The following SNX13 variants were observed in gnomAD, a reference collection of about 807,000 sequenced individuals.
The protein encoded by SNX13 is sorting nexin-13.
In SNX13, 45 loss-of-function variants were observed where a neutral mutation model predicts 133.6. The ratio of observed to expected loss-of-function variants is 0.34; its 90% CI spans 0.27 to 0.43. The LOEUF (loss-of-function observed/expected upper bound fraction) is 0.43, where lower values mean the gene tolerates loss of function less well. Among genes scored for constraint, SNX13 ranks in the 20% least tolerant of loss-of-function variants. The pLI is 1.00. For missense variants in SNX13, 1,032 were observed against 1,145.1 expected, an observed-to-expected ratio of 0.90 and a Z score of 1.43; for synonymous variants, 414 against 373.9, an observed-to-expected ratio of 1.11 and a Z score of -1.24.
intron 1 of SNX13, among the ~76,000 whole-genome samples, chr7:17,910,328 A>T (rs1798827335): frequency 1.3e-5 from 2 of 152,222 alleles, no homozygotes. Context: ...ATAACAGATA[A>T]AACTGGTTGA....
At chr7:17,876,010 G>T (rs1794686273) in intron 5 of SNX13, among the ~76,000 whole-genome samples, 1 of 152,048 alleles carries the variant, frequency 6.6e-6, no homozygotes, top group South Asian at 2.1e-4. Context: ...ATTATTTTAT[G>T]TGCCAAAGCT....
At chr7:17,906,819 C>T (rs892664680) in intron 1 of SNX13, among the ~76,000 whole-genome samples, 1 of 152,100 alleles carries the variant, frequency 6.6e-6, no homozygotes, top group Non-Finnish European at 1.5e-5. Context: ...GTTCCAATTA[C>T]CTCCTTGATT....
chr7:17,903,952 G>C (rs1458455215), intron 1 of SNX13, among the ~76,000 whole-genome samples: 4 of 152,132 alleles, frequency 2.6e-5, no homozygotes, highest in Non-Finnish European at 4.4e-5. Context: ...CTACTTACTA[G>C]TATGCTTAGA....
intron 22 of SNX13, among the ~76,000 whole-genome samples, chr7:17,800,419 C>T (rs1179834065): frequency 6.6e-6 from 1 of 151,798 alleles, no homozygotes; most frequent in African/African-American, 2.4e-5. Flanking sequence ...AGAAACAGTA[C>T]AGTGGGGAAA....
At chr7:17,821,782 G>A (rs1787319996) in intron 17 of SNX13, 134 bp from the exon 18 acceptor site, 1 of 943,204 alleles carries the variant, frequency 1.1e-6, no homozygotes, top group African/African-American at 1.7e-5. Context: ...AATCTGAAAT[G>A]ACAGACTGAG....
intron 1 of SNX13, among the ~76,000 whole-genome samples, chr7:17,939,494 T>C (rs932506819): frequency 6.6e-6 from 1 of 152,236 alleles, no homozygotes. Context: ...CCTTAAAGTG[T>C]TGCTAGTAAA....
intron 20 of SNX13, among the ~76,000 whole-genome samples, chr7:17,807,935 C>T (rs1464786134): frequency 6.6e-6 from 1 of 152,152 alleles, no homozygotes; most frequent in Non-Finnish European, 1.5e-5. Context: ...GACATCCACA[C>T]AGAAACCCAT....
rs1486570613 is a variant in SNX13 at position 17,875,704 on chromosome 7, T to C, written c.527A>G (p.Gln176Arg). The C allele has an allele frequency of 2.5e-6, 4 of 1,611,706 alleles. No homozygotes were observed. The highest frequency in any genetic ancestry group is 3.4e-6 in the Non-Finnish European group (4 of 1,178,632). The change falls in exon 6 of 26, where the codon CAA (glutamine) becomes CGA (arginine). Residue 176 changes from glutamine to arginine, a missense_variant. Coordinates refer to ENST00000428135, the MANE Select transcript of SNX13 (RefSeq NM_015132.5). The stretch of plus-strand genomic sequence containing the variant: ...ATCATCTTTCTCTGTTATTTTCTGT[T>C]GAGCCTTTCTGAATACTCGTAAGTG... ...GTHLRVFRKA[Q>R]QKITEKDDQV... is the part of the protein sequence containing the mutation.
chr7:17,918,285 ATAAT>A (rs1294973278), intron 1 of SNX13, among the ~76,000 whole-genome samples: 1 of 152,144 alleles, frequency 6.6e-6, no homozygotes, highest in African/African-American at 2.4e-5. Flanking sequence ...CAACTGAGAC[ATAAT>A]TAAACTAAAG....
At position 17,794,235 on chromosome 7, in the gene SNX13, A is replaced by G. The variant is rs1348022348; in HGVS notation, c.2684T>C (p.Phe895Ser). Residue 895 changes from phenylalanine (F) to serine (S), a missense_variant, in exon 26 of 26, where the codon TTT (phenylalanine) becomes TCT (serine). Phe to Ser is a radical substitution (Grantham distance 155). Transcript: ENST00000428135. ...TAATTGGTTGTGCTGAAACATTTCA[A>G]AAACACGAAGAATACCTTTCCGTGT... ...ETTRKGILRV[F>S]EMFQHNQLNR... 6.2e-7 allele frequency: 1 copy of G among 1,611,754 alleles called. No individual in the cohort carries two copies. The highest frequency in any genetic ancestry group is 1.1e-5 in the South Asian group (1 of 90,966).
chr7:17,855,875 T>G (rs1477064089), intron 9 of SNX13, among the ~76,000 whole-genome samples: 1 of 152,236 alleles, frequency 6.6e-6, no homozygotes, highest in Admixed American at 6.5e-5. Context: ...CTATGGATAT[T>G]TGCTCTAGAT....
At chr7:17,890,126 C>G in intron 5 of SNX13, 1 of 322,584 alleles carries the variant, frequency 3.1e-6, no homozygotes, top group South Asian at 1.0e-4. Context: ...AAAAAACTAC[C>G]AAACAGACTT....
intron 1 of SNX13, chr7:17,900,008 G>A (rs1475522161): frequency 6.6e-6 from 1 of 152,202 alleles, no homozygotes; most frequent in African/African-American, 2.4e-5. Context: ...TCTAGTAACT[G>A]TAGCCATATA....
chr7:17,897,264 C>G, intron 2 of SNX13, 70 bp downstream of exon 2: 1 of 816,644 alleles, frequency 1.2e-6, no homozygotes, highest in Non-Finnish European at 1.7e-6. Context: ...ACTCCCGTTT[C>G]TCAGTCATTT....
intron 9 of SNX13, among the ~76,000 whole-genome samples, chr7:17,867,443 C>T (rs1274262743): frequency 1.3e-5 from 2 of 151,818 alleles, no homozygotes; most frequent in Admixed American, 6.6e-5. Context: ...CATGTCTCTA[C>T]CAAAAGTACA....
intron 22 of SNX13, 25 bp from the exon 23 acceptor site, chr7:17,799,179 T>G: frequency 6.4e-7 from 1 of 1,567,396 alleles, no homozygotes; most frequent in African/African-American, 1.4e-5. Context: ...GAAATAAGAA[T>G]AAGTTTGAGT....
intron 12 of SNX13, among the ~76,000 whole-genome samples, chr7:17,841,586 A>ACACACACACACG (rs1313704048): frequency 7.3e-5 from 11 of 151,264 alleles, no homozygotes; most frequent in African/African-American, 2.4e-4. Context: ...ACACACACGC[A>ACACACACACACG]CACACACCCC....
chr7:17,803,365 T>G, intron 21 of SNX13, 54 bp downstream of exon 21: 7 of 1,478,150 alleles, frequency 4.7e-6, no homozygotes, highest in Non-Finnish European at 6.4e-6. Context: ...ATTCAATACA[T>G]CTTATTGACT....
intron 20 of SNX13, among the ~76,000 whole-genome samples, chr7:17,805,250 T>TGTGCGCGCGCGCGC: frequency 3.1e-5 from 3 of 95,560 alleles, no homozygotes; most frequent in Admixed American, 1.2e-4. Flanking sequence ...TGTGTGTGTG[T>TGTGCGCGCGCGCGC]GCGTGCGCGC....
Sources: gnomAD v4.1 joint callset for allele counts (sites outside exome capture counted in the v4.1 genomes callset) on GRCh38, gnomAD v4.1.1 for gene constraint, MANE v1.5 for transcripts, NCBI Gene and HGNC (gene_info 2026-07-23, HGNC 2026-07-21) for gene names.